The following GRM7 variants were observed in gnomAD, a reference collection of about 807,000 sequenced individuals.
GRM7 encodes glutamate metabotropic receptor 7, also known as metabotropic glutamate receptor 7.
In GRM7, 35 loss-of-function variants were observed where a neutral mutation model predicts 84.5. The ratio of observed to expected loss-of-function variants is 0.41; its 90% CI spans 0.32 to 0.55. The LOEUF is 0.55. Ranked by LOEUF, GRM7 falls within the 20% of genes least tolerant of loss-of-function variation. The pLI is 0.19. For synonymous variants in GRM7, 487 were observed against 455.1 expected (o/e 1.07, Z -0.89); for missense variants, 1,003 against 1,194.6 (o/e 0.84, Z 2.36).
At chr3:6,936,262 A>G (rs540317597) in intron 1 of GRM7, among the ~76,000 whole-genome samples, 1 of 152,326 alleles carries the variant, frequency 6.6e-6, no homozygotes, top group African/African-American at 2.4e-5. Flanking sequence ...CACAGGTCCC[A>G]TCAAGAGGTT....
Position 7,617,956 on chromosome 3 carries a change from A to G in GRM7, c.2451+38599A>G, listed in dbSNP as rs577436946. Among the ~76,000 whole-genome samples, 4 of 152,262 alleles carry G rather than the reference A, an allele frequency of 2.6e-5. No homozygotes were observed. The East Asian group carries it at 5.8e-4, about 22-fold the overall frequency. ...GCCAGTCCTGGATTCTTGTGCCTGG[A>G]TGCAAATTTAGACTCTGGGCAAATC... On this transcript the variant is annotated intron_variant, in intron 8 of 9. Coordinates refer to ENST00000357716, the MANE Select transcript of GRM7 (RefSeq NM_000844.4).
At chr3:7,034,715 C>T (rs1367981679) in intron 1 of GRM7, among the ~76,000 whole-genome samples, 1 of 152,146 alleles carries the variant, frequency 6.6e-6, no homozygotes, top group Non-Finnish European at 1.5e-5. Flanking sequence ...TAAGAAGTCA[C>T]ATGAGCTGTG....
chr3:7,594,570 A>T (rs1485614885), intron 8 of GRM7, among the ~76,000 whole-genome samples: 1 of 152,146 alleles, frequency 6.6e-6, no homozygotes, highest in African/African-American at 2.4e-5. Flanking sequence ...CAAACGTGGC[A>T]TTACTGACAG....
chr3:7,125,946 G>A (rs564603413), intron 1 of GRM7, among the ~76,000 whole-genome samples: 4 of 152,322 alleles, frequency 2.6e-5, no homozygotes, highest in South Asian at 2.1e-4. Flanking sequence ...GGATTTATCC[G>A]TGAAAATTGA....
At chr3:7,649,158 C>T (rs1299540026) in intron 8 of GRM7, among the ~76,000 whole-genome samples, 1 of 151,996 alleles carries the variant, frequency 6.6e-6, no homozygotes, top group Non-Finnish European at 1.5e-5. Context: ...CTAGCTCCGC[C>T]TCCCGGGTTC....
At chr3:7,086,500 A>C (rs9815591) in intron 1 of GRM7, among the ~76,000 whole-genome samples, 1 of 151,880 alleles carries the variant, frequency 6.6e-6, no homozygotes, top group Non-Finnish European at 1.5e-5. Flanking sequence ...GCAAAAGTGA[A>C]GAATGTATGA....
chr3:6,941,002 T>A (rs1559341160), intron 1 of GRM7, among the ~76,000 whole-genome samples: 1 of 152,336 alleles, frequency 6.6e-6, no homozygotes, highest in South Asian at 2.1e-4. Context: ...ATGTTGCTCA[T>A]TGTGTTTGCC....
At chr3:6,910,843 G>A (rs115153652) in intron 1 of GRM7, among the ~76,000 whole-genome samples, 1,658 of 152,264 alleles carry the variant, frequency 0.011, 22 homozygotes, top group African/African-American at 0.038. Context: ...GGTGACAAGT[G>A]AAGATTGAGA....
chr3:6,970,912 G>A (rs1174370467), intron 1 of GRM7, among the ~76,000 whole-genome samples: 1 of 152,104 alleles, frequency 6.6e-6, no homozygotes, highest in Non-Finnish European at 1.5e-5. Context: ...AACCCGGGAG[G>A]CTGAGGTTGC....
intron 1 of GRM7, among the ~76,000 whole-genome samples, chr3:7,135,193 C>T (rs768402427): frequency 6.6e-6 from 1 of 152,160 alleles, no homozygotes; most frequent in African/African-American, 2.4e-5. Flanking sequence ...AATTAGAATT[C>T]CTGCCCAACC....
At chr3:7,381,470 T>C (rs986154556) in intron 4 of GRM7, among the ~76,000 whole-genome samples, 2 of 152,166 alleles carry the variant, frequency 1.3e-5, no homozygotes, top group Admixed American at 6.6e-5. Context: ...TTATGGATCA[T>C]TGGGGAGGCA....
At chr3:6,916,624 A>G (rs1161180278) in intron 1 of GRM7, among the ~76,000 whole-genome samples, 1 of 152,086 alleles carries the variant, frequency 6.6e-6, no homozygotes, top group Non-Finnish European at 1.5e-5. Context: ...GAAGGGGGGA[A>G]CAAGCTGCCT....
intron 4 of GRM7, among the ~76,000 whole-genome samples, chr3:7,353,016 A>G (rs917408351): frequency 4.6e-5 from 7 of 152,072 alleles, no homozygotes; most frequent in African/African-American, 1.2e-4. Flanking sequence ...TTTCCATCCT[A>G]TGGCTACAGG....
chr3:7,328,668 T>A (rs1475387654), intron 4 of GRM7, among the ~76,000 whole-genome samples: 1 of 152,190 alleles, frequency 6.6e-6, no homozygotes, highest in African/African-American at 2.4e-5. Flanking sequence ...GGAATACTTG[T>A]TAGGCAAGAC....
Position 7,415,077 on chromosome 3 carries a change from G to C in GRM7, c.1088G>C (p.Trp363Ser). The C allele has an allele frequency of 6.2e-7, 1 of 1,612,576 alleles. No individual in the cohort carries two copies. The highest frequency in any genetic ancestry group is 8.5e-7 in the Non-Finnish European group (1 of 1,178,794). ...RTLENNRRNVWFAEYWEENFN... is the reference protein window; with the variant it reads ...RTLENNRRNVSFAEYWEENFN... ...CTTGAAAACAACAGAAGAAATGTAT[G>C]GTTTGCCGAATACTGGGAGGAAAAC... The change falls in exon 5 of 10, where the codon TGG (tryptophan) becomes TCG (serine). Residue 363 changes from tryptophan (W) to serine (S), a missense_variant. This residue lies in a region of GRM7 where 910 missense variants were observed against 1,126.0 expected (regional missense o/e 0.81). Coordinates refer to ENST00000357716, the MANE Select transcript of GRM7 (RefSeq NM_000844.4).
At chr3:7,709,474 G>C (rs1701505659) in intron 9 of GRM7, among the ~76,000 whole-genome samples, 2 of 152,154 alleles carry the variant, frequency 1.3e-5, no homozygotes, top group Non-Finnish European at 2.9e-5. Flanking sequence ...TAGAAGCTGA[G>C]AAATGAGTGT....
At chr3:7,034,130 T>G (rs1187118994) in intron 1 of GRM7, among the ~76,000 whole-genome samples, 1 of 152,140 alleles carries the variant, frequency 6.6e-6, no homozygotes, top group Non-Finnish European at 1.5e-5. Flanking sequence ...GGAAAAAATA[T>G]CCTCTGGGTA....
At chr3:7,045,942 T>C (rs1696791215) in intron 1 of GRM7, among the ~76,000 whole-genome samples, 1 of 152,136 alleles carries the variant, frequency 6.6e-6, no homozygotes. Context: ...TGCCATTTTT[T>C]TTGGAGAAAC....
chr3:7,085,509 T>C (rs1201302404), intron 1 of GRM7, among the ~76,000 whole-genome samples: 1 of 152,180 alleles, frequency 6.6e-6, no homozygotes, highest in African/African-American at 2.4e-5. Context: ...ATTATAGTTT[T>C]GGTATGTTTC....
Sources: allele counts gnomAD v4.1 joint callset (sites outside exome capture counted in the v4.1 genomes callset), GRCh38; gene constraint gnomAD v4.1.1; regional missense constraint gnomAD v4.1.1; transcripts MANE v1.5; gene names NCBI Gene and HGNC (gene_info 2026-07-23, HGNC 2026-07-21).